UNC5C: variants seen among roughly 807,000 people sequenced by gnomAD.
The protein encoded by UNC5C is unc-5 netrin receptor C.
UNC5C carries 47 observed loss-of-function variants against 99.8 expected under a neutral mutation model. The ratio of observed to expected loss-of-function variants is 0.47; its 90% CI spans 0.37 to 0.60. The LOEUF (loss-of-function observed/expected upper bound fraction) is 0.60, where lower values mean the gene tolerates loss of function less well. UNC5C is among the 20% of genes least tolerant of loss of function. UNC5C has a pLI of 0.00. For synonymous variants in UNC5C, 487 were observed against 452.2 expected (o/e 1.08, Z -0.98); for missense variants, 1,062 against 1,165.9 (o/e 0.91, Z 1.30).
At chr4:95,265,474 T>C (rs1369396741) in intron 4 of UNC5C, among the ~76,000 whole-genome samples, 1 of 152,192 alleles carries the variant, frequency 6.6e-6, no homozygotes, top group East Asian at 1.9e-4. Flanking sequence ...ATTCAAAAAT[T>C]TCTAAAAATT....
intron 1 of UNC5C, among the ~76,000 whole-genome samples, chr4:95,419,113 C>T (rs747524796): frequency 3.9e-5 from 6 of 152,044 alleles, no homozygotes; most frequent in Non-Finnish European, 7.4e-5. Context: ...AGTCAGTATT[C>T]GAACAGCTGA....
chr4:95,343,135 G>T (rs1423948755), intron 1 of UNC5C, among the ~76,000 whole-genome samples: 2 of 151,978 alleles, frequency 1.3e-5, no homozygotes, highest in Non-Finnish European at 2.9e-5. Context: ...TAGTTTTGCT[G>T]CCAGAGCCCT....
intron 11 of UNC5C, among the ~76,000 whole-genome samples, chr4:95,204,766 T>C (rs1737813922): frequency 6.6e-6 from 1 of 152,222 alleles, no homozygotes; most frequent in African/African-American, 2.4e-5. Context: ...CCACAACCAT[T>C]TGCTGAAACA....
At chr4:95,220,603 A>G (rs1426923328) in intron 7 of UNC5C, among the ~76,000 whole-genome samples, 1 of 152,226 alleles carries the variant, frequency 6.6e-6, no homozygotes, top group Admixed American at 6.5e-5. Flanking sequence ...CTGCATATTT[A>G]TTGAACCAGA....
chr4:95,185,480 G>T (rs893997831), intron 12 of UNC5C, among the ~76,000 whole-genome samples: 2 of 152,102 alleles, frequency 1.3e-5, no homozygotes, highest in Non-Finnish European at 2.9e-5. Flanking sequence ...CTGATGAGTG[G>T]AGTATTTATC....
intron 2 of UNC5C, among the ~76,000 whole-genome samples, chr4:95,303,892 T>C (rs1741965892): frequency 6.6e-6 from 1 of 152,200 alleles, no homozygotes; most frequent in South Asian, 2.1e-4. Flanking sequence ...TTTCTCAAAA[T>C]GTTTGATTAT....
At chr4:95,408,652 A>T (rs1745893099) in intron 1 of UNC5C, among the ~76,000 whole-genome samples, 1 of 152,200 alleles carries the variant, frequency 6.6e-6, no homozygotes, top group Non-Finnish European at 1.5e-5. Context: ...TGGCCTTTCA[A>T]TACACTGAAA....
At chr4:95,274,406 A>ATCTT (rs1326769239) in intron 4 of UNC5C, among the ~76,000 whole-genome samples, 13 of 152,284 alleles carry the variant, frequency 8.5e-5, no homozygotes. Flanking sequence ...CAGTTATTAA[A>ATCTT]TCTTTGGAAT....
chr4:95,315,881 G>A (rs1447770513), intron 2 of UNC5C, among the ~76,000 whole-genome samples: 1 of 151,986 alleles, frequency 6.6e-6, no homozygotes, highest in African/African-American at 2.4e-5. Flanking sequence ...GTATACATAG[G>A]CTCCTAATGT....
intron 1 of UNC5C, among the ~76,000 whole-genome samples, chr4:95,526,014 C>T (rs568502716): frequency 1.3e-5 from 2 of 152,280 alleles, no homozygotes; most frequent in Admixed American, 6.5e-5. Flanking sequence ...GTAAAGCATA[C>T]TCTGTTATTT....
intron 1 of UNC5C, among the ~76,000 whole-genome samples, chr4:95,338,555 G>A (rs1205962674): frequency 2.6e-5 from 4 of 151,964 alleles, no homozygotes; most frequent in East Asian, 1.9e-4. Context: ...CTACTTTTCA[G>A]TTTTGCAATT....
chr4:95,282,949 G>T (rs1741113883), intron 3 of UNC5C, among the ~76,000 whole-genome samples: 1 of 152,096 alleles, frequency 6.6e-6, no homozygotes, highest in Non-Finnish European at 1.5e-5. Context: ...TCCATGGCTG[G>T]TCTTGGGGAA....
intron 1 of UNC5C, among the ~76,000 whole-genome samples, chr4:95,460,215 G>A (rs1318934633): frequency 4.5e-5 from 5 of 110,762 alleles, no homozygotes; most frequent in Admixed American, 2.6e-4. Context: ...TTTTTTTGGT[G>A]TTTTTCGTAT....
At chr4:95,205,687 G>C (rs552718270) in intron 11 of UNC5C, among the ~76,000 whole-genome samples, 42 of 152,038 alleles carry the variant, frequency 2.8e-4, no homozygotes, top group Non-Finnish European at 5.1e-4. Context: ...GTATAGTATA[G>C]TTTTAAAATT....
chr4:95,229,434 G>C (rs1312469914), intron 7 of UNC5C, among the ~76,000 whole-genome samples: 1 of 152,120 alleles, frequency 6.6e-6, no homozygotes, highest in Non-Finnish European at 1.5e-5. Context: ...CTTCATTCAT[G>C]TCCCTGCAAT....
intron 14 of UNC5C, among the ~76,000 whole-genome samples, chr4:95,171,057 AGC>A (rs1022945034): frequency 1.3e-5 from 2 of 152,234 alleles, no homozygotes; most frequent in African/African-American, 2.4e-5. Context: ...CTCATAAAAC[AGC>A]ACAAATGCAA....
At chr4:95,298,030 C>T (rs181352307) in intron 3 of UNC5C, among the ~76,000 whole-genome samples, 4 of 152,256 alleles carry the variant, frequency 2.6e-5, no homozygotes, top group East Asian at 3.9e-4. Context: ...AAATATGGGC[C>T]GAGTGTGGTG....
chr4:95,424,518 C>CTTTCTTTTTTTT (rs1746411107), intron 1 of UNC5C, among the ~76,000 whole-genome samples: 2 of 67,948 alleles, frequency 2.9e-5, no homozygotes, highest in African/African-American at 1.2e-4. Flanking sequence ...TTTTTCTTTT[C>CTTTCTTTTTTTT]TTTTTTTTTT....
chr4:95,198,332 TGTG>T (rs1442737097), intron 12 of UNC5C, among the ~76,000 whole-genome samples: 1 of 152,018 alleles, frequency 6.6e-6, no homozygotes, highest in Non-Finnish European at 1.5e-5. Context: ...CCACGCATCT[TGTG>T]GGAGAGAGAG....
Sources: allele counts gnomAD v4.1 joint callset (sites outside exome capture counted in the v4.1 genomes callset), GRCh38; gene constraint gnomAD v4.1.1; transcripts MANE v1.5; gene names NCBI Gene and HGNC (gene_info 2026-07-23, HGNC 2026-07-21).